ENOX1: variants seen among roughly 807,000 people sequenced by gnomAD.
ENOX1 encodes candidate growth-related and time keeping constitutive hydroquinone (NADH) oxidase.
ENOX1 carries 42 observed loss-of-function variants against 82.5 expected under a neutral mutation model. That is an observed-to-expected ratio of 0.51 (90% CI 0.40 to 0.66). The LOEUF is 0.66. Among genes scored for constraint, ENOX1 ranks in the 30% least tolerant of loss-of-function variants. The probability of loss-of-function intolerance (pLI) is 0.00; values close to 1 mark genes in which losing one functional copy is unlikely to be tolerated. For synonymous variants in ENOX1, 271 were observed against 282.2 expected (o/e 0.96, Z 0.40); for missense variants, 608 against 811.6 (o/e 0.75, Z 3.05).
intron 2 of ENOX1, among the ~76,000 whole-genome samples, chr13:43,590,200 AC>A (rs2081182667): frequency 6.6e-6 from 1 of 152,206 alleles, no homozygotes; most frequent in East Asian, 1.9e-4. Flanking sequence ...AGCTTTTGAA[AC>A]AAAAAACTGA....
chr13:43,266,342 G>GTGTT (rs2044368399), intron 13 of ENOX1, among the ~76,000 whole-genome samples: 1 of 152,122 alleles, frequency 6.6e-6, no homozygotes, highest in African/African-American at 2.4e-5. Flanking sequence ...TACCACCAAT[G>GTGTT]TGTTTGATTC....
At chr13:43,701,872 G>GTGTA (rs1417292465) in intron 1 of ENOX1, among the ~76,000 whole-genome samples, 3 of 152,072 alleles carry the variant, frequency 2.0e-5, no homozygotes, top group African/African-American at 7.2e-5. Context: ...ATTTGTACAT[G>GTGTA]TGTATGTATG....
At chr13:43,408,655 C>A (rs1431740007) in intron 5 of ENOX1, among the ~76,000 whole-genome samples, 1 of 149,340 alleles carries the variant, frequency 6.7e-6, no homozygotes, top group African/African-American at 2.5e-5. Context: ...ACACCAGGTA[C>A]AGTAAAAAGG....
intron 2 of ENOX1, among the ~76,000 whole-genome samples, chr13:43,566,333 GAACTTGGTGACA>G: frequency 6.6e-6 from 1 of 152,010 alleles, no homozygotes; most frequent in Non-Finnish European, 1.5e-5. Context: ...CACAGTCAAT[GAACTTGGTGACA>G]AATTATAGGT....
intron 12 of ENOX1, among the ~76,000 whole-genome samples, chr13:43,273,010 G>A (rs187769787): frequency 6.6e-5 from 10 of 152,066 alleles, no homozygotes; most frequent in African/African-American, 1.2e-4. Flanking sequence ...TCCTATTCAC[G>A]CCCATGGCTT....
chr13:43,458,243 C>T (rs1206001951), intron 3 of ENOX1, among the ~76,000 whole-genome samples: 1 of 152,066 alleles, frequency 6.6e-6, no homozygotes, highest in African/African-American at 2.4e-5. Flanking sequence ...CTTCCATTTA[C>T]TAAATAAACT....
At chr13:43,344,872 G>T in intron 8 of ENOX1, 122 bp from the exon 9 acceptor site, 1 of 955,656 alleles carries the variant, frequency 1.0e-6, no homozygotes, top group Non-Finnish European at 1.6e-6. Flanking sequence ...AACTCAGCAA[G>T]TTAGCTTTCC....
Position 43,542,866 on chromosome 13 carries a change from C to T in ENOX1, c.-218-58714G>A, listed in dbSNP as rs74388924. On this transcript the variant is annotated intron_variant, in intron 2 of 16. Transcript: ENST00000690772. ...AGATTCAATTCCTAGTGAGGGCTCGCTTCCTGGTTCATAGACGGCTGTCTC... is the reference window on the plus strand; with the variant it reads ...AGATTCAATTCCTAGTGAGGGCTCGTTTCCTGGTTCATAGACGGCTGTCTC... Among the ~76,000 whole-genome samples the T allele has an allele frequency of 2.2e-4, 33 of 152,256 alleles. No individual in the cohort carries two copies. In the East Asian group the frequency reaches 5.2e-3, roughly 24 times the overall value.
Position 43,707,694 on chromosome 13 carries a change from C to T in ENOX1, c.-284-40150G>A, listed in dbSNP as rs375587141. ...GTTACAGTGAGCCGAGATCACGCCA[C>T]TGAACTCCAGCCTGGTGACAGAGAA... On this transcript the variant is annotated intron_variant, in intron 1 of 16. Coordinates refer to ENST00000690772, the MANE Select transcript of ENOX1 (RefSeq NM_001347969.2). Among the ~76,000 whole-genome samples, 80 of 120,384 alleles carry T rather than the reference C, an allele frequency of 6.6e-4. 5 individuals are homozygous for T. In the South Asian group the frequency reaches 0.022, roughly 33 times the overall value. 79.0% of individuals were successfully genotyped at this position (120,384 alleles called of 152,430 possible). A position where few individuals can be genotyped will look rare whatever the true frequency, so the allele number is the denominator to read the frequency against.
chr13:43,512,618 GTT>G (rs35147827), intron 2 of ENOX1, among the ~76,000 whole-genome samples: 25,391 of 137,102 alleles, frequency 0.19, 2,860 homozygotes, highest in East Asian at 0.49. Flanking sequence ...ATGTGTGTGG[GTT>G]TTTTTTTTTT....
At chr13:43,322,548 C>T in intron 10 of ENOX1, 47 bp from the exon 11 acceptor site, 2 of 1,506,352 alleles carry the variant, frequency 1.3e-6, no homozygotes, top group Non-Finnish European at 1.8e-6. Flanking sequence ...ACACATATGG[C>T]TTTCCCCAAT....
At chr13:43,644,935 C>T (rs146326282) in intron 2 of ENOX1, among the ~76,000 whole-genome samples, 34 of 152,192 alleles carry the variant, frequency 2.2e-4, no homozygotes, top group Admixed American at 5.9e-4. Flanking sequence ...ATAGATTATA[C>T]GAGTTACTTG....
chr13:43,686,301 A>G (rs913924183), intron 1 of ENOX1, among the ~76,000 whole-genome samples: 5 of 152,164 alleles, frequency 3.3e-5, no homozygotes, highest in Admixed American at 3.3e-4. Context: ...TCCCCTGTTA[A>G]TCAGAGATGG....
At chr13:43,753,449 G>C (rs931697881) in intron 1 of ENOX1, among the ~76,000 whole-genome samples, 1 of 152,028 alleles carries the variant, frequency 6.6e-6, no homozygotes, top group Non-Finnish European at 1.5e-5. Context: ...TTTTGTTTCA[G>C]TTCCTGACTG....
chr13:43,262,178 T>TATC (rs985019829), intron 14 of ENOX1, among the ~76,000 whole-genome samples: 9 of 152,202 alleles, frequency 5.9e-5, no homozygotes, highest in African/African-American at 2.2e-4. Context: ...TAATGGTGGT[T>TATC]ATCTCTGAGT....
chr13:43,241,783 A>C (rs2042847586), intron 14 of ENOX1, among the ~76,000 whole-genome samples: 1 of 152,236 alleles, frequency 6.6e-6, no homozygotes, highest in African/African-American at 2.4e-5. Context: ...AGCTACTTGA[A>C]GGCAGAAATT....
chr13:43,215,900 A>G (rs2041449569), intron 16 of ENOX1, among the ~76,000 whole-genome samples: 1 of 152,206 alleles, frequency 6.6e-6, no homozygotes, highest in Non-Finnish European at 1.5e-5. Context: ...TATTTGGGTT[A>G]AGAATGGGGA....
chr13:43,410,715 C>T (rs1466197633), intron 5 of ENOX1, among the ~76,000 whole-genome samples: 1 of 151,412 alleles, frequency 6.6e-6, no homozygotes, highest in Admixed American at 6.6e-5. Context: ...AGAAACACAA[C>T]AAAAAACAAA....
intron 2 of ENOX1, among the ~76,000 whole-genome samples, chr13:43,504,239 T>C (rs987278606): frequency 2.0e-5 from 3 of 151,828 alleles, no homozygotes; most frequent in Non-Finnish European, 2.9e-5. Flanking sequence ...TGTAAATTGG[T>C]GCAACCACTG....
Sources: gnomAD v4.1 joint callset for allele counts (sites outside exome capture counted in the v4.1 genomes callset) on GRCh38, gnomAD v4.1.1 for gene constraint, MANE v1.5 for transcripts, NCBI Gene and HGNC (gene_info 2026-07-23, HGNC 2026-07-21) for gene names.